The following LAMA4 variants were observed in gnomAD, a reference collection of about 807,000 sequenced individuals.
LAMA4 encodes laminin subunit alpha-4.
In LAMA4, 127 loss-of-function variants were observed where a neutral mutation model predicts 207.1. The observed-to-expected ratio is 0.61, with a 90% CI of 0.53 to 0.71. The LOEUF (loss-of-function observed/expected upper bound fraction) is 0.71. Among genes scored for constraint, LAMA4 ranks in the 30% least tolerant of loss-of-function variants. LAMA4 has a pLI of 0.00. For missense variants in LAMA4, 2,093 were observed against 2,246.5 expected, an observed-to-expected ratio of 0.93 and a Z score of 1.38; for synonymous variants, 761 against 816.0, an observed-to-expected ratio of 0.93 and a Z score of 1.15.
intron 14 of LAMA4, among the ~76,000 whole-genome samples, chr6:112,157,438 G>A (rs1400747126): frequency 6.6e-6 from 1 of 152,138 alleles, no homozygotes; most frequent in Non-Finnish European, 1.5e-5. Context: ...AAATCATTGT[G>A]TACACCAGAC....
chr6:112,144,812 G>T lies in LAMA4; in HGVS notation c.2475C>A (p.Thr825=). The stretch of plus-strand genomic sequence containing the variant: ...CAGTTACCTTGCTGGCAACACTTCT[G>T]GTCTGAGCAATGAGCTCTCGGATCC... ...IQRIRELIAQ[T]RSVASKIQVS... The change falls in exon 19 of 39, where the codon ACC becomes ACA. Residue 825 remains threonine (T), a synonymous_variant. Coordinates refer to ENST00000230538, the MANE Select transcript of LAMA4 (RefSeq NM_001105206.3). 2 of 1,613,596 alleles carry T rather than the reference G, an allele frequency of 1.2e-6. No individual in the cohort carries two copies. Among genetic ancestry groups the T allele is most frequent in the Non-Finnish European group, 1.7e-6 (2 of 1,180,004 alleles).
At chr6:112,144,684 T>C (rs1014974745) in intron 19 of LAMA4, 110 bp downstream of exon 19, 4 of 1,265,910 alleles carry the variant, frequency 3.2e-6, no homozygotes, top group East Asian at 2.3e-5. Flanking sequence ...AACTACTGAG[T>C]TGGAGAATAC....
At chr6:112,162,737 A>G (rs1296625921) in intron 13 of LAMA4, among the ~76,000 whole-genome samples, 1 of 152,158 alleles carries the variant, frequency 6.6e-6, no homozygotes, top group African/African-American at 2.4e-5. Context: ...TGACTTGAAA[A>G]TGTCAAGTTA....
chr6:112,155,714 TAAAC>T lies in LAMA4; in HGVS notation c.1818-12_1818-9del. On this transcript the variant is annotated splice_polypyrimidine_tract_variant and intron_variant, in intron 14 of 38. Transcript: ENST00000230538. ...TCTGAACTGTGCAACTTCCTGTTAA[TAAAC>T]AAACATTGTTATTTCTCCTTCTTAC... The T allele has an allele frequency of 6.2e-7, 1 of 1,613,970 alleles. No individual in the cohort carries two copies.
At chr6:112,216,035 T>C (rs1784607052) in intron 3 of LAMA4, among the ~76,000 whole-genome samples, 1 of 152,256 alleles carries the variant, frequency 6.6e-6, no homozygotes, top group Non-Finnish European at 1.5e-5. Flanking sequence ...TGGCAAACTA[T>C]ACGATTACAG....
At chr6:112,132,469 T>G (rs1275789665) in intron 28 of LAMA4, among the ~76,000 whole-genome samples, 2 of 152,106 alleles carry the variant, frequency 1.3e-5, no homozygotes, top group Non-Finnish European at 2.9e-5. Context: ...TCAATTTCAG[T>G]GAGAGAAAAT....
intron 5 of LAMA4, among the ~76,000 whole-genome samples, chr6:112,194,275 G>A (rs1783285445): frequency 6.6e-6 from 1 of 152,208 alleles, no homozygotes; most frequent in African/African-American, 2.4e-5. Flanking sequence ...CTTAAGGTCT[G>A]GGAGTGAAGG....
rs1783133470 is a variant in LAMA4, at chr6:112,191,751, A to G, written c.603T>C (p.Asp201=). The G allele has an allele frequency of 3.7e-6, 6 of 1,614,142 alleles. No homozygotes were observed. Among genetic ancestry groups the G allele is most frequent in the Non-Finnish European group, 5.1e-6 (6 of 1,179,972 alleles). The change falls in exon 6 of 39, where the codon GAT becomes GAC. Residue 201 remains aspartate (D), a synonymous_variant. Coordinates refer to ENST00000230538, the MANE Select transcript of LAMA4 (RefSeq NM_001105206.3). The part of the protein sequence containing the change: ...GNSDPNLIFE[D]CDEVTGQCRN... The stretch of plus-strand genomic sequence containing the variant: ...TACACTGGCCAGTGACTTCATCACA[A>G]TCTTCAAAGATCAGGTTGGGATCTG...
chr6:112,114,780 A>T, intron 36 of LAMA4, 24 bp from the exon 37 acceptor site: 1 of 1,499,984 alleles, frequency 6.7e-7, no homozygotes, highest in South Asian at 1.1e-5. Context: ...GACACATTGT[A>T]TGATTTAGTT....
At chr6:112,226,615 G>A (rs1172733649) in intron 2 of LAMA4, among the ~76,000 whole-genome samples, 4 of 152,062 alleles carry the variant, frequency 2.6e-5, no homozygotes, top group African/African-American at 7.2e-5. Context: ...TTCAGAACAG[G>A]GATAGTGTCT....
Position 112,239,879 on chromosome 6 carries a change from C to T in LAMA4, c.195+14077G>A, listed in dbSNP as rs142182172. ...GAGATTGAGAACACCCTGGCTAACA[C>T]AGTGAAACCCCGTCTCTACTAAAAA... On this transcript the variant is annotated intron_variant, in intron 2 of 38. Coordinates refer to ENST00000230538, the MANE Select transcript of LAMA4 (RefSeq NM_001105206.3). Among the ~76,000 whole-genome samples the T allele has an allele frequency of 8.6e-3, 1,307 of 152,100 alleles. 16 individuals are homozygous for T. The highest frequency in any genetic ancestry group is 0.03 in the African/African-American group (1,256 of 41,486).
At chr6:112,234,156 ATTT>A (rs547498684) in intron 2 of LAMA4, 1 of 149,554 alleles carries the variant, frequency 6.7e-6, no homozygotes, top group Admixed American at 6.7e-5. Flanking sequence ...ATAAAAACAA[ATTT>A]TTTTTTTTAT....
chr6:112,152,680 C>T (rs1166637197), intron 16 of LAMA4, among the ~76,000 whole-genome samples: 1 of 151,944 alleles, frequency 6.6e-6, no homozygotes, highest in South Asian at 2.1e-4. Flanking sequence ...ATTAGGTAGT[C>T]TTGATGTGAT....
intron 16 of LAMA4, 139 bp from the exon 17 acceptor site, chr6:112,150,766 T>G: frequency 1.4e-6 from 1 of 719,748 alleles, no homozygotes. Context: ...TGAACATAGA[T>G]CAACAATTCT....
chr6:112,190,271 G>A (rs1195018467), intron 6 of LAMA4, among the ~76,000 whole-genome samples: 1 of 152,088 alleles, frequency 6.6e-6, no homozygotes, highest in African/African-American at 2.4e-5. Flanking sequence ...TCTGCTGTCC[G>A]CCTTCTCTCT....
Position 112,134,606 on chromosome 6 carries a change from A to G in LAMA4, c.3418T>C (p.Ser1140Pro), listed in dbSNP as rs782281091. ...QINDAKYHEI[S>P]IIYHNDKKMI... ...TTCTTATCATTGTGGTAAATGATTG[A>G]GATCTGGGAGAGATAATATATAGTA... is the stretch of plus-strand genomic sequence containing the variant. Residue 1140 changes from serine to proline, a missense_variant, in exon 26 of 39, where the codon TCA becomes CCA. Physicochemically the swap from Ser to Pro is moderately conservative, Grantham distance 74. Around this residue, in one of 3 missense-constraint regions of LAMA4, gnomAD observed 1,704 missense variants for 1,788.4 expected, o/e 0.95. Coordinates refer to ENST00000230538, the MANE Select transcript of LAMA4 (RefSeq NM_001105206.3). 1 of 1,602,716 alleles carries G rather than the reference A, an allele frequency of 6.2e-7. No homozygotes were observed. The highest frequency in any genetic ancestry group is 8.5e-7 in the Non-Finnish European group (1 of 1,171,306).
intron 9 of LAMA4, among the ~76,000 whole-genome samples, chr6:112,184,233 T>C (rs1272665414): frequency 1.3e-5 from 2 of 151,992 alleles, no homozygotes; most frequent in Non-Finnish European, 2.9e-5. Flanking sequence ...AAAATTTTTG[T>C]TGATCATGAG....
chr6:112,140,913 T>C lies in LAMA4; in HGVS notation c.2823A>G (p.Lys941=). Residue 941 remains lysine, a synonymous_variant, in exon 22 of 39, where the codon AAA becomes AAG. Transcript: ENST00000230538. The part of the protein sequence containing the change: ...FSIVKIERVG[K]HGKVFLTVPS... ...GGACTGTTAAAAACACCTTTCCATG[T>C]TTTCCCACCCTATTGAGATAAATAA... 1.2e-6 allele frequency: 2 copies of C among 1,611,646 alleles called. No individual in the cohort carries two copies. The highest frequency in any genetic ancestry group is 1.3e-5 in the African/African-American group (1 of 74,996).
At chr6:112,122,786 A>C (rs1778441161) in intron 31 of LAMA4, among the ~76,000 whole-genome samples, 1 of 152,238 alleles carries the variant, frequency 6.6e-6, no homozygotes, top group East Asian at 1.9e-4. Context: ...GAGTTGTGCA[A>C]GTATAGGCTA....
Sources: gnomAD v4.1 joint callset for allele counts (sites outside exome capture counted in the v4.1 genomes callset) on GRCh38, gnomAD v4.1.1 for gene constraint, gnomAD v4.1.1 regional missense constraint, MANE v1.5 for transcripts, NCBI Gene and HGNC (gene_info 2026-07-23, HGNC 2026-07-21) for gene names.